Variants in IQSEC3 observed in about 807,000 individuals in gnomAD.
The protein encoded by IQSEC3 is IQ motif and SEC7 domain-containing protein 3.
Under a neutral mutation model 105.4 loss-of-function variants are expected in IQSEC3, and 50 were observed. That is an observed-to-expected ratio of 0.47 (90% CI 0.38 to 0.60). The LOEUF (loss-of-function observed/expected upper bound fraction) is 0.60. Ranked by LOEUF, IQSEC3 falls within the 20% of genes least tolerant of loss-of-function variation. The probability of loss-of-function intolerance (pLI) is 0.00; values close to 1 mark genes in which losing one functional copy is unlikely to be tolerated. For missense variants in IQSEC3, 1,415 were observed against 1,630.0 expected (o/e 0.87, Z 2.27); for synonymous variants, 708 against 746.0 (o/e 0.95, Z 0.83).
At chr12:124,492 C>T (rs1865319814) in intron 2 of IQSEC3, among the ~76,000 whole-genome samples, 1 of 152,198 alleles carries the variant, frequency 6.6e-6, no homozygotes, top group African/African-American at 2.4e-5. Context: ...TCACTGTAAC[C>T]TCCTAAGGTA....
At chr12:165,312 C>T in intron 9 of IQSEC3, 122 bp from the exon 10 acceptor site, 2 of 741,004 alleles carry the variant, frequency 2.7e-6, no homozygotes, top group Non-Finnish European at 4.8e-6. Context: ...ATATCTGTAC[C>T]TGTATGTGCA....
chr12:88,255 A>C (rs1265072938), intron 1 of IQSEC3, among the ~76,000 whole-genome samples: 2 of 152,210 alleles, frequency 1.3e-5, no homozygotes, highest in Admixed American at 6.5e-5. Context: ...TAACCTTAAT[A>C]AGGTCCCTGC....
chr12:131,221 T>C (rs1865589904), intron 3 of IQSEC3, among the ~76,000 whole-genome samples: 1 of 152,222 alleles, frequency 6.6e-6, no homozygotes, highest in African/African-American at 2.4e-5. Context: ...CTGCCGCTGC[T>C]TCTTCTGGCA....
intron 2 of IQSEC3, among the ~76,000 whole-genome samples, chr12:121,795 G>A (rs10774469): frequency 0.57 from 86,173 of 151,956 alleles, 25,038 homozygotes; most frequent in East Asian, 0.69. Context: ...GAAAACAGCC[G>A]CCATCGCCGT....
chr12:161,817 C>A (rs1357883157), intron 7 of IQSEC3, 109 bp from the exon 8 acceptor site: 9 of 1,146,488 alleles, frequency 7.9e-6, no homozygotes, highest in South Asian at 1.6e-5. Context: ...GAACCAAGGC[C>A]ACCCCCCGGG....
At chr12:116,960 T>C (rs916835902) in intron 2 of IQSEC3, among the ~76,000 whole-genome samples, 4 of 152,204 alleles carry the variant, frequency 2.6e-5, no homozygotes, top group African/African-American at 7.2e-5. Context: ...TTGAGCTGAG[T>C]ACATGTGGAT....
intron 1 of IQSEC3, among the ~76,000 whole-genome samples, chr12:93,799 C>T (rs1248487158): frequency 6.6e-6 from 1 of 152,092 alleles, no homozygotes; most frequent in Admixed American, 6.5e-5. Context: ...AGATTAACAC[C>T]CTCTCTGGGG....
chr12:125,559 C>T, intron 2 of IQSEC3, 74 bp from the exon 3 acceptor site: 1 of 1,391,930 alleles, frequency 7.2e-7, no homozygotes, highest in East Asian at 2.8e-5. Context: ...CCTAGCTTCT[C>T]TCCCCGACCC....
intron 5 of IQSEC3, among the ~76,000 whole-genome samples, chr12:153,829 G>A (rs1203997040): frequency 2.6e-5 from 4 of 152,208 alleles, no homozygotes; most frequent in Admixed American, 6.5e-5. Flanking sequence ...AAAAGCCGCA[G>A]TGAGGCCTAC....
intron 1 of IQSEC3, among the ~76,000 whole-genome samples, chr12:82,491 G>A (rs1180700914): frequency 6.6e-6 from 1 of 152,188 alleles, no homozygotes; most frequent in Non-Finnish European, 1.5e-5. Context: ...TTTAAGATGG[G>A]AGAAGTCATA....
intron 2 of IQSEC3, among the ~76,000 whole-genome samples, chr12:107,571 G>C (rs557569138): frequency 1.3e-5 from 2 of 151,724 alleles, no homozygotes; most frequent in African/African-American, 2.4e-5. Flanking sequence ...CACCGTGCCC[G>C]GCTAATTTTT....
At chr12:116,164 T>G (rs1223848106) in intron 2 of IQSEC3, among the ~76,000 whole-genome samples, 1 of 152,182 alleles carries the variant, frequency 6.6e-6, no homozygotes, top group African/African-American at 2.4e-5. Flanking sequence ...TTGGGACACC[T>G]CCTTTCACAG....
intron 2 of IQSEC3, among the ~76,000 whole-genome samples, chr12:109,348 G>A (rs926488228): frequency 3.3e-5 from 5 of 152,062 alleles, no homozygotes; most frequent in Non-Finnish European, 7.4e-5. Flanking sequence ...TGCTGGCCGT[G>A]TTGTCCTTTG....
At chr12:74,374 G>A (rs1863437608) in intron 1 of IQSEC3, among the ~76,000 whole-genome samples, 1 of 152,226 alleles carries the variant, frequency 6.6e-6, no homozygotes, top group African/African-American at 2.4e-5. Flanking sequence ...GAAAACAAAT[G>A]AAAAAGAAAA....
At chr12:105,782 G>A (rs1864628425) in intron 2 of IQSEC3, among the ~76,000 whole-genome samples, 2 of 152,316 alleles carry the variant, frequency 1.3e-5, no homozygotes, top group South Asian at 4.1e-4. Flanking sequence ...CCTCAGCAGG[G>A]ATGTGAAACT....
At chr12:157,447 CT>C in intron 6 of IQSEC3, 80 bp from the exon 7 acceptor site, 2 of 1,439,794 alleles carry the variant, frequency 1.4e-6, no homozygotes, top group Non-Finnish European at 1.9e-6. Context: ...GGGATACCCC[CT>C]GGACACCCCC....
rs57016720 is a variant in IQSEC3 at position 172,391 on chromosome 12, G to T, written c.3114+1230G>T. On this transcript the variant is annotated intron_variant, in intron 13 of 13. Transcript: ENST00000538872. ...TTGAGCCTTGCAGATAAGCACACCC[G>T]TGCCCAGCCCTCTGTTCTGTTCTGC... 6.0e-3 allele frequency among the ~76,000 whole-genome samples: 907 copies of T among 151,636 alleles called. 9 individuals carry two copies. The highest frequency in any genetic ancestry group is 0.021 in the African/African-American group (860 of 41,252).
chr12:134,211 A>G (rs529750236), intron 3 of IQSEC3, among the ~76,000 whole-genome samples: 2 of 152,386 alleles, frequency 1.3e-5, no homozygotes, highest in South Asian at 4.1e-4. Flanking sequence ...ACACTCATTG[A>G]AGGCCCACTA....
Position 178,271 on chromosome 12 carries a change from C to G in IQSEC3, c.*3238C>G, listed in dbSNP as rs1381947568. 2 of 151,514 alleles carry G rather than the reference C, an allele frequency of 1.3e-5. No homozygotes were observed. Among genetic ancestry groups the G allele is most frequent in the Non-Finnish European group, 2.9e-5 (2 of 67,894 alleles). 9.4% of individuals were successfully genotyped at this position (151,514 alleles called of 1,614,324 possible). ...GTCCCTGTTTTTGCTGTACATAACT[C>G]CTGCTGCACCCTCTCCCCGCACACC... On this transcript the variant is annotated 3_prime_UTR_variant, in exon 14 of 14. Coordinates refer to ENST00000538872, the MANE Select transcript of IQSEC3 (RefSeq NM_001170738.2).
Sources: gnomAD v4.1 joint callset for allele counts (sites outside exome capture counted in the v4.1 genomes callset) on GRCh38, gnomAD v4.1.1 for gene constraint, MANE v1.5 for transcripts, NCBI Gene and HGNC (gene_info 2026-07-23, HGNC 2026-07-21) for gene names.